PKIB: variants seen among roughly 807,000 people sequenced by gnomAD.
PKIB encodes cAMP-dependent protein kinase inhibitor beta.
Under a neutral mutation model 4.5 loss-of-function variants are expected in PKIB, and 2 were observed. The ratio of observed to expected loss-of-function variants is 0.44; its 90% CI spans 0.18 to 1.39. The LOEUF (loss-of-function observed/expected upper bound fraction) is 1.39. Among genes scored for constraint, PKIB ranks in the 40% most tolerant of loss-of-function variants. The pLI is 0.27. For missense variants in PKIB, 94 were observed against 92.6 expected (o/e 1.02, Z -0.06); for synonymous variants, 38 against 36.0 (o/e 1.06, Z -0.20).
intron 2 of PKIB, among the ~76,000 whole-genome samples, chr6:122,506,561 T>C (rs191008166): frequency 7.2e-5 from 11 of 152,254 alleles, no homozygotes; most frequent in East Asian, 5.8e-4. Context: ...TTTGATAGTA[T>C]AGTTTTTGTT....
intron 1 of PKIB, among the ~76,000 whole-genome samples, chr6:122,625,553 G>A (rs1221723536): frequency 1.3e-5 from 2 of 152,048 alleles, no homozygotes; most frequent in African/African-American, 2.4e-5. Flanking sequence ...CAGGAGAATC[G>A]ATTGAACCTG....
At chr6:122,541,377 G>A (rs1474643890) in intron 2 of PKIB, among the ~76,000 whole-genome samples, 1 of 151,616 alleles carries the variant, frequency 6.6e-6, no homozygotes, top group Non-Finnish European at 1.5e-5. Context: ...GGGCAGGCCT[G>A]GTGGTGACAA....
intron 2 of PKIB, among the ~76,000 whole-genome samples, chr6:122,577,854 A>G (rs924789638): frequency 6.6e-6 from 1 of 151,262 alleles, no homozygotes; most frequent in African/African-American, 2.4e-5. Flanking sequence ...GCTTGCAGTG[A>G]GCTGAGATCA....
At chr6:122,704,320 G>A (rs984415707) in intron 3 of PKIB, among the ~76,000 whole-genome samples, 5 of 152,096 alleles carry the variant, frequency 3.3e-5, no homozygotes, top group African/African-American at 7.2e-5. Context: ...GACACACCCC[G>A]AGAAATGGTT....
intron 3 of PKIB, among the ~76,000 whole-genome samples, chr6:122,676,492 C>T (rs1777680760): frequency 6.6e-6 from 1 of 152,086 alleles, no homozygotes. Context: ...TGAGTGGGCT[C>T]TTCAATAGCT....
chr6:122,661,989 T>A (rs1452892044), intron 2 of PKIB, among the ~76,000 whole-genome samples: 1 of 152,224 alleles, frequency 6.6e-6, no homozygotes, highest in Non-Finnish European at 1.5e-5. Flanking sequence ...GCCATTTACA[T>A]ACCTTCTTTG....
intron 3 of PKIB, among the ~76,000 whole-genome samples, chr6:122,685,732 A>G (rs1033645734): frequency 6.6e-6 from 1 of 152,128 alleles, no homozygotes; most frequent in African/African-American, 2.4e-5. Context: ...TGTGCTATCA[A>G]ATACTAGGTC....
At chr6:122,707,505 G>A (rs944778580) in intron 3 of PKIB, among the ~76,000 whole-genome samples, 1 of 151,872 alleles carries the variant, frequency 6.6e-6, no homozygotes, top group Non-Finnish European at 1.5e-5. Flanking sequence ...ATTTAAAAAA[G>A]CATTATACCT....
At chr6:122,716,983 C>T (rs1243961026) in intron 3 of PKIB, among the ~76,000 whole-genome samples, 4 of 152,104 alleles carry the variant, frequency 2.6e-5, no homozygotes, top group Non-Finnish European at 4.4e-5. Flanking sequence ...CTTCTGCTTT[C>T]GAGATGCTAT....
chr6:122,534,030 A>G (rs576634295), intron 2 of PKIB, among the ~76,000 whole-genome samples: 1 of 151,890 alleles, frequency 6.6e-6, no homozygotes, highest in Non-Finnish European at 1.5e-5. Context: ...GCCAATATAT[A>G]TAAACTTCAT....
At chr6:122,593,293 G>A (rs938881732) in intron 3 of PKIB, among the ~76,000 whole-genome samples, 1 of 152,154 alleles carries the variant, frequency 6.6e-6, no homozygotes, top group African/African-American at 2.4e-5. Flanking sequence ...GTAGAAAAAA[G>A]TTGGCTGCAG....
intron 3 of PKIB, among the ~76,000 whole-genome samples, chr6:122,698,816 A>G (rs1477261803): frequency 6.6e-6 from 1 of 152,158 alleles, no homozygotes; most frequent in African/African-American, 2.4e-5. Context: ...AGACTAAAAG[A>G]TGTTGGACTT....
At chr6:122,533,158 A>AT (rs1173024499) in intron 2 of PKIB, among the ~76,000 whole-genome samples, 1 of 108,072 alleles carries the variant, frequency 9.3e-6, no homozygotes, top group African/African-American at 3.4e-5. Context: ...TTATTTATTT[A>AT]TTTATTTATT....
chr6:122,690,993 TTTAAATATGGCATGCCACTC>T (rs1238878146), intron 3 of PKIB, among the ~76,000 whole-genome samples: 1 of 150,710 alleles, frequency 6.6e-6, no homozygotes, highest in Non-Finnish European at 1.5e-5. Flanking sequence ...CCTTTAGCCC[TTTAAATATGGCATGCCACTC>T]TCTCCCGGCC....
At chr6:122,512,692 A>C (rs1776620998) in intron 2 of PKIB, among the ~76,000 whole-genome samples, 1 of 152,120 alleles carries the variant, frequency 6.6e-6, no homozygotes. Context: ...CTCGGTTATC[A>C]CTTATCACAC....
intron 2 of PKIB, among the ~76,000 whole-genome samples, chr6:122,488,891 C>G (rs1360596748): frequency 1.3e-5 from 2 of 152,142 alleles, no homozygotes; most frequent in African/African-American, 4.8e-5. Context: ...ATTGTGTGTT[C>G]CCAGTGATAA....
At chr6:122,649,298 A>C (rs1257740165) in intron 2 of PKIB, among the ~76,000 whole-genome samples, 1 of 152,162 alleles carries the variant, frequency 6.6e-6, no homozygotes, top group Non-Finnish European at 1.5e-5. Context: ...ACCCAGCTTC[A>C]CTGCTCAAAG....
chr6:122,690,880 C>G (rs1778304988), intron 3 of PKIB, among the ~76,000 whole-genome samples: 1 of 147,126 alleles, frequency 6.8e-6, no homozygotes. Context: ...TTTTGTTTGT[C>G]TGGAAATGTC....
intron 2 of PKIB, among the ~76,000 whole-genome samples, chr6:122,517,789 C>T (rs1290222782): frequency 6.6e-6 from 1 of 152,208 alleles, no homozygotes; most frequent in East Asian, 1.9e-4. Context: ...TTCTTGATCA[C>T]TGAATGTGTC....
Sources: allele counts gnomAD v4.1 joint callset (sites outside exome capture counted in the v4.1 genomes callset), GRCh38; gene constraint gnomAD v4.1.1; transcripts MANE v1.5; gene names NCBI Gene and HGNC (gene_info 2026-07-23, HGNC 2026-07-21).